Variants in MAF observed in about 807,000 individuals in gnomAD.
MAF encodes the protein MAF bZIP transcription factor.
A neutral mutation model predicts 22.0 loss-of-function variants in MAF; 10 were observed. The observed-to-expected ratio is 0.45, with a 90% CI of 0.28 to 0.77. MAF has a LOEUF of 0.77. Ranked by LOEUF, MAF falls within the 30% of genes least tolerant of loss-of-function variation. The pLI is 0.12. For missense variants in MAF, 544 were observed against 548.4 expected, an observed-to-expected ratio of 0.99 and a Z score of 0.08; for synonymous variants, 337 against 255.8, an observed-to-expected ratio of 1.32 and a Z score of -3.03.
chr16:79,209,998 G>T, the MAF span, among the ~76,000 whole-genome samples: 362 of 152,328 alleles, frequency 2.4e-3, 4 homozygotes, highest in African/African-American at 8.0e-3. Context: ...AATGGAGGGA[G>T]ATTGGGGAGG....
chr16:79,576,293 T>G, the MAF span, among the ~76,000 whole-genome samples: 2 of 144,180 alleles, frequency 1.4e-5, no homozygotes, highest in Non-Finnish European at 3.0e-5. Flanking sequence ...TTTTCAAAAG[T>G]GCCCCATACA....
the MAF span, among the ~76,000 whole-genome samples, chr16:79,231,421 A>C: frequency 6.6e-6 from 1 of 152,102 alleles, no homozygotes; most frequent in Admixed American, 6.6e-5. Flanking sequence ...TAAATCACGA[A>C]AGCTGACAGA....
chr16:79,560,045 C>T, the MAF span, among the ~76,000 whole-genome samples: 2 of 152,168 alleles, frequency 1.3e-5, no homozygotes, highest in African/African-American at 2.4e-5. Flanking sequence ...GCTGGGACTA[C>T]AGGCATGGGC....
At chr16:79,444,262 T>C in the MAF span, among the ~76,000 whole-genome samples, 1 of 152,136 alleles carries the variant, frequency 6.6e-6, no homozygotes, top group Non-Finnish European at 1.5e-5. Context: ...AATAAAAATA[T>C]TGATTTTGCC....
the MAF span, among the ~76,000 whole-genome samples, chr16:79,443,012 G>T: frequency 8.5e-5 from 13 of 152,314 alleles, no homozygotes; most frequent in East Asian, 2.5e-3. Context: ...GGAATGTAGA[G>T]CAAGGATGAA....
the MAF span, among the ~76,000 whole-genome samples, chr16:79,439,200 C>T: frequency 6.6e-6 from 1 of 151,858 alleles, no homozygotes; most frequent in Non-Finnish European, 1.5e-5. Context: ...CTTTGCACTG[C>T]ACCTGCACAA....
the MAF span, among the ~76,000 whole-genome samples, chr16:79,552,273 C>A: frequency 1.3e-5 from 2 of 151,680 alleles, no homozygotes; most frequent in Non-Finnish European, 2.9e-5. Flanking sequence ...GAGTGCAGTT[C>A]AGCAACCATG....
the MAF span, among the ~76,000 whole-genome samples, chr16:79,360,497 G>A: frequency 1.3e-5 from 2 of 152,186 alleles, no homozygotes; most frequent in Non-Finnish European, 2.9e-5. Context: ...TCTGTAACTT[G>A]CAGGTGATGA....
downstream of MAF, among the ~76,000 whole-genome samples, chr16:79,589,694 G>C (rs559680946): frequency 7.2e-5 from 11 of 152,242 alleles, no homozygotes; most frequent in South Asian, 4.1e-4. Flanking sequence ...CCAGGAGAGC[G>C]GCGCACCGGG....
the MAF span, chr16:79,212,246 C>A: frequency 7.5e-7 from 1 of 1,335,158 alleles, no homozygotes; most frequent in South Asian, 1.6e-5. Flanking sequence ...CTGCATTGAT[C>A]CAGGAGATAA....
At chr16:79,270,556 T>C in the MAF span, among the ~76,000 whole-genome samples, 1 of 152,186 alleles carries the variant, frequency 6.6e-6, no homozygotes, top group African/African-American at 2.4e-5. Flanking sequence ...AAGGGAAAGA[T>C]TTAGTCTTAG....
At chr16:79,447,633 C>T in the MAF span, among the ~76,000 whole-genome samples, 1 of 152,012 alleles carries the variant, frequency 6.6e-6, no homozygotes, top group Non-Finnish European at 1.5e-5. Context: ...CCATTAGAAA[C>T]GTTTGTGATT....
At chr16:79,216,519 A>C in the MAF span, among the ~76,000 whole-genome samples, 98 of 152,300 alleles carry the variant, frequency 6.4e-4, no homozygotes, top group African/African-American at 2.3e-3. Context: ...CATTCAATAA[A>C]TTACATGAGA....
At chr16:79,381,372 T>G in the MAF span, among the ~76,000 whole-genome samples, 2 of 152,188 alleles carry the variant, frequency 1.3e-5, no homozygotes, top group Non-Finnish European at 2.9e-5. Context: ...CTCTGAATCT[T>G]TAAGGCTGAT....
chr16:79,574,081 C>A, the MAF span, among the ~76,000 whole-genome samples: 1 of 152,198 alleles, frequency 6.6e-6, no homozygotes, highest in South Asian at 2.1e-4. Flanking sequence ...GAGGCGTGAA[C>A]TTCACGCTCA....
chr16:79,588,233 TG>T (rs1912975840), intron 1 of MAF, among the ~76,000 whole-genome samples: 1 of 152,296 alleles, frequency 6.6e-6, no homozygotes, highest in East Asian at 1.9e-4. Context: ...GCTGTCAGCA[TG>T]TGTCTCCACA....
the MAF span, among the ~76,000 whole-genome samples, chr16:79,431,737 G>A: frequency 6.6e-6 from 1 of 152,188 alleles, no homozygotes. Flanking sequence ...AGCAGGGACA[G>A]TTGAAAAGAT....
the MAF span, among the ~76,000 whole-genome samples, chr16:79,363,353 C>T: frequency 6.6e-6 from 1 of 152,182 alleles, no homozygotes; most frequent in Non-Finnish European, 1.5e-5. Context: ...ATTTAATACA[C>T]CTAACTTAGC....
chr16:79,262,340 A>G, the MAF span, among the ~76,000 whole-genome samples: 2 of 152,184 alleles, frequency 1.3e-5, no homozygotes, highest in African/African-American at 2.4e-5. Flanking sequence ...CTCTCTATCC[A>G]AAATAGACCT....
Sources: gnomAD v4.1 joint callset for allele counts (sites outside exome capture counted in the v4.1 genomes callset) on GRCh38, gnomAD v4.1.1 for gene constraint, MANE v1.5 for transcripts, NCBI Gene and HGNC (gene_info 2026-07-23, HGNC 2026-07-21) for gene names.